FER: variants seen among roughly 807,000 people sequenced by gnomAD.
FER encodes the protein FER tyrosine kinase, also known as tyrosine-protein kinase Fer.
Under a neutral mutation model 111.0 loss-of-function variants are expected in FER, and 63 were observed. That is an observed-to-expected ratio of 0.57 (90% confidence interval 0.46 to 0.70). FER has a LOEUF of 0.70. FER is among the 30% of genes least tolerant of loss of function. The probability of loss-of-function intolerance (pLI) is 0.00; values close to 1 mark genes in which losing one functional copy is unlikely to be tolerated. For synonymous variants in FER, 327 were observed against 313.9 expected, an observed-to-expected ratio of 1.04 and a Z score of -0.44; for missense variants, 914 against 954.0, an observed-to-expected ratio of 0.96 and a Z score of 0.55.
At chr5:108,894,467 T>C (rs143800449) in intron 9 of FER, 37 of 410,448 alleles carry the variant, frequency 9.0e-5, no homozygotes, top group Middle Eastern at 4.7e-4. Flanking sequence ...TCTTCACTGA[T>C]AACATGTGAG....
intron 2 of FER, among the ~76,000 whole-genome samples, chr5:108,791,524 A>G (rs2150025785): frequency 6.6e-6 from 1 of 150,720 alleles, no homozygotes. Context: ...TCCATCCAGA[A>G]GTTCCTTATC....
chr5:109,022,253 G>T (rs1768032735), intron 13 of FER, among the ~76,000 whole-genome samples: 1 of 152,008 alleles, frequency 6.6e-6, no homozygotes. Context: ...GAAGTCCATT[G>T]TCTCAAGGGT....
At chr5:109,107,364 G>A (rs1023634953) in intron 17 of FER, among the ~76,000 whole-genome samples, 4 of 152,120 alleles carry the variant, frequency 2.6e-5, no homozygotes, top group African/African-American at 9.7e-5. Context: ...GGGGGTACAT[G>A]TGAAGGTTTG....
intron 17 of FER, among the ~76,000 whole-genome samples, chr5:109,125,928 G>T (rs976348465): frequency 2.0e-5 from 3 of 152,118 alleles, no homozygotes; most frequent in Non-Finnish European, 2.9e-5. Context: ...CAGAAAGAAT[G>T]AAACGGTGAA....
rs1187484310 is a variant in FER, at chr5:109,040,952, G to T, written c.1713+3474G>T. Among the ~76,000 whole-genome samples the T allele has an allele frequency of 4.6e-5, 7 of 152,202 alleles. No homozygotes were observed. In the South Asian group the frequency reaches 1.2e-3, roughly 27 times the overall value. ...TAGGTGGGTCAATATAGGGACAAGA[G>T]CCCAGAGTTCTCTTTATATTGCTTC... On this transcript the variant is annotated intron_variant, in intron 14 of 19. Transcript: ENST00000281092.
At chr5:108,930,698 C>T (rs1326736497) in intron 10 of FER, among the ~76,000 whole-genome samples, 1 of 146,010 alleles carries the variant, frequency 6.8e-6, no homozygotes, top group African/African-American at 2.6e-5. Flanking sequence ...ACTGCAACCT[C>T]TGTCTCCTGA....
At chr5:109,029,569 TC>T (rs1309731079) in intron 13 of FER, among the ~76,000 whole-genome samples, 1 of 151,900 alleles carries the variant, frequency 6.6e-6, no homozygotes, top group Non-Finnish European at 1.5e-5. Context: ...AGCCTTGTTT[TC>T]CATTCATTCT....
intron 3 of FER, chr5:108,830,608 T>G (rs2150127535): frequency 6.6e-6 from 1 of 152,226 alleles, no homozygotes; most frequent in East Asian, 1.9e-4. Flanking sequence ...AGCATGAGAG[T>G]GTACCATTTG....
intron 13 of FER, among the ~76,000 whole-genome samples, chr5:108,988,284 A>G (rs1179837343): frequency 6.6e-6 from 1 of 150,740 alleles, no homozygotes; most frequent in Non-Finnish European, 1.5e-5. Context: ...TGATTTTGAT[A>G]TTAGGATGAT....
At chr5:108,915,192 G>T (rs1752100323) in intron 10 of FER, among the ~76,000 whole-genome samples, 1 of 152,150 alleles carries the variant, frequency 6.6e-6, no homozygotes, top group Admixed American at 6.6e-5. Context: ...GCTACTTTTG[G>T]CCCGGCCCAG....
chr5:108,911,701 C>G (rs189951056), intron 10 of FER, among the ~76,000 whole-genome samples: 1 of 152,272 alleles, frequency 6.6e-6, no homozygotes, highest in African/African-American at 2.4e-5. Flanking sequence ...ATTTTCAGAG[C>G]ACCATTTATT....
At chr5:108,878,664 A>G (rs150527571) in intron 8 of FER, among the ~76,000 whole-genome samples, 6 of 152,220 alleles carry the variant, frequency 3.9e-5, no homozygotes, top group Admixed American at 3.9e-4. Context: ...GAGTGTGGGG[A>G]ACATCTTTAA....
At chr5:108,777,839 C>T (rs758765182) in intron 2 of FER, among the ~76,000 whole-genome samples, 8 of 152,072 alleles carry the variant, frequency 5.3e-5, no homozygotes, top group Non-Finnish European at 8.8e-5. Context: ...TTTTTAAAAC[C>T]ATCAGATCTC....
chr5:109,191,767 A>G lies in FER; in HGVS notation c.*4192A>G, dbSNP rs908940154. 2.6e-5 allele frequency: 4 copies of G among 152,078 alleles called. No individual in the cohort carries two copies. The highest frequency in any genetic ancestry group is 6.6e-5 in the Admixed American group (1 of 15,262). The allele number at this position is 152,078 out of a possible 1,614,324, so 9.4% of individuals were successfully genotyped here. On this transcript the variant is annotated 3_prime_UTR_variant, in exon 20 of 20. Transcript: ENST00000281092. ...ATATTTTAATTTCATTTATTTTTCT[A>G]TGTTTTGATTAGTTTCACATCAAGT...
rs534509869 is a variant in FER, at chr5:109,194,872, T to A, written c.*7297T>A. The A allele has an allele frequency of 6.6e-6, 1 of 152,014 alleles. No homozygotes were observed. Among genetic ancestry groups the A allele is most frequent in the South Asian group, 2.1e-4 (1 of 4,782 alleles). 9.4% of individuals were successfully genotyped at this position (152,014 alleles called of 1,614,324 possible). On this transcript the variant is annotated 3_prime_UTR_variant, in exon 20 of 20. Transcript: ENST00000281092. ...TCTTCTTTGAGTTGCCTGGACAGTA[T>A]TTATGAAACAAAAAACTAAATGCCC...
intron 13 of FER, among the ~76,000 whole-genome samples, chr5:109,008,342 T>A (rs1341188405): frequency 6.6e-6 from 1 of 152,214 alleles, no homozygotes; most frequent in Non-Finnish European, 1.5e-5. Context: ...TTCCCACAGC[T>A]ATTTCCAACC....
chr5:108,959,212 G>T lies in FER; in HGVS notation c.1534-13G>T. On this transcript the variant is annotated splice_polypyrimidine_tract_variant and intron_variant, in intron 12 of 19. Coordinates refer to ENST00000281092, the MANE Select transcript of FER (RefSeq NM_005246.4). The stretch of plus-strand genomic sequence containing the variant: ...GTCTTCACATTTATTCTACCTTATT[G>T]TTCTCTCTCCAGAACATGTATCGAT... The T allele has an allele frequency of 1.9e-6, 3 of 1,606,174 alleles. No individual in the cohort carries two copies. Among genetic ancestry groups the T allele is most frequent in the African/African-American group, 1.3e-5 (1 of 74,626 alleles).
At chr5:108,868,748 A>C (rs1561537842) in intron 6 of FER, among the ~76,000 whole-genome samples, 1 of 152,104 alleles carries the variant, frequency 6.6e-6, no homozygotes, top group Non-Finnish European at 1.5e-5. Flanking sequence ...ATTCAAAAAA[A>C]GTAGTGAAGT....
intron 3 of FER, among the ~76,000 whole-genome samples, chr5:108,814,091 C>CT (rs59660200): frequency 0.23 from 34,744 of 151,708 alleles, 4,156 homozygotes; most frequent in African/African-American, 0.28. Flanking sequence ...GAATATAGTC[C>CT]TTTTTTGGCA....
Sources: allele counts gnomAD v4.1 joint callset (sites outside exome capture counted in the v4.1 genomes callset), GRCh38; gene constraint gnomAD v4.1.1; transcripts MANE v1.5; gene names NCBI Gene and HGNC (gene_info 2026-07-23, HGNC 2026-07-21).